KIAA1328: variants seen among roughly 807,000 people sequenced by gnomAD.
KIAA1328 encodes the protein KIAA1328, also known as protein hinderin.
A neutral mutation model predicts 68.1 loss-of-function variants in KIAA1328; 52 were observed. That is an observed-to-expected ratio of 0.76 (90% CI 0.61 to 0.96). KIAA1328 has a LOEUF of 0.96. Ranked by LOEUF, KIAA1328 falls within the 40% of genes least tolerant of loss-of-function variation. KIAA1328 has a pLI of 0.00. For synonymous variants in KIAA1328, 232 were observed against 239.4 expected (o/e 0.97, Z 0.28); for missense variants, 641 against 677.6 (o/e 0.95, Z 0.60).
chr18:36,874,940 T>C (rs1486822065), intron 4 of KIAA1328, among the ~76,000 whole-genome samples: 2 of 152,228 alleles, frequency 1.3e-5, no homozygotes, highest in African/African-American at 4.8e-5. Context: ...AGGAAATCCT[T>C]TCCCCATTGC....
At position 37,222,909 on chromosome 18, in the gene KIAA1328, T is replaced by C. The variant is rs2060589537; in HGVS notation, c.*682T>C. 11 of 986,036 alleles carry C rather than the reference T, an allele frequency of 1.1e-5. No individual in the cohort carries two copies. The highest frequency in any genetic ancestry group is 5.2e-5 in the African/African-American group (3 of 57,172). The allele number at this position is 986,036 out of a possible 1,614,324, so 61.1% of individuals were successfully genotyped here. On this transcript the variant is annotated 3_prime_UTR_variant, in exon 10 of 10. Transcript: ENST00000280020. ...GCACTAAATCACATCAGGGAGTGAT[T>C]AGTCCTGGGGAAATTCAGTGGAGGC...
chr18:36,841,854 A>G (rs1303474553), intron 3 of KIAA1328, among the ~76,000 whole-genome samples: 4 of 152,234 alleles, frequency 2.6e-5, no homozygotes, highest in African/African-American at 9.6e-5. Context: ...GGAACTTTAT[A>G]TAAATGAGCT....
At chr18:36,926,947 C>A (rs765716179) in intron 5 of KIAA1328, among the ~76,000 whole-genome samples, 1 of 152,160 alleles carries the variant, frequency 6.6e-6, no homozygotes, top group Non-Finnish European at 1.5e-5. Context: ...AGGACGGCAC[C>A]TGGCAAGAGT....
intron 3 of KIAA1328, among the ~76,000 whole-genome samples, chr18:36,836,277 T>C (rs1269431483): frequency 6.6e-6 from 1 of 152,184 alleles, no homozygotes; most frequent in Non-Finnish European, 1.5e-5. Context: ...TGCAAGTTCT[T>C]ATCAAAAAAA....
At chr18:37,200,817 CAAAA>C (rs1304976099) in intron 9 of KIAA1328, among the ~76,000 whole-genome samples, 5 of 53,890 alleles carry the variant, frequency 9.3e-5, no homozygotes, top group Admixed American at 2.0e-4. Flanking sequence ...GACTCCGTCT[CAAAA>C]AAAAAAAAAA....
intron 7 of KIAA1328, among the ~76,000 whole-genome samples, chr18:37,078,017 C>A (rs1223205507): frequency 6.6e-6 from 1 of 152,178 alleles, no homozygotes; most frequent in African/African-American, 2.4e-5. Flanking sequence ...GCCCACATTG[C>A]CAAGTCAGTC....
intron 6 of KIAA1328, among the ~76,000 whole-genome samples, chr18:36,967,528 T>A (rs1365409772): frequency 3.9e-5 from 6 of 152,164 alleles, no homozygotes; most frequent in Non-Finnish European, 7.3e-5. Context: ...GCTGTTGCAT[T>A]TATGGTAACT....
intron 6 of KIAA1328, among the ~76,000 whole-genome samples, chr18:37,026,537 T>C (rs1012305701): frequency 6.6e-6 from 1 of 152,068 alleles, no homozygotes; most frequent in African/African-American, 2.4e-5. Context: ...GACCAAGTGG[T>C]CTTCATCCCT....
chr18:36,883,604 GCATCATA>G (rs1448110244), intron 4 of KIAA1328, among the ~76,000 whole-genome samples: 17 of 152,210 alleles, frequency 1.1e-4, no homozygotes, highest in Admixed American at 1.1e-3. Context: ...GAAAAGTCCT[GCATCATA>G]CCCATAGGGT....
At chr18:36,831,561 A>G (rs1289427912) in intron 1 of KIAA1328, among the ~76,000 whole-genome samples, 3 of 152,218 alleles carry the variant, frequency 2.0e-5, no homozygotes, top group Non-Finnish European at 2.9e-5. Flanking sequence ...AAATGCACTC[A>G]AGTGTATTAC....
intron 6 of KIAA1328, among the ~76,000 whole-genome samples, chr18:36,976,434 CA>C (rs950223906): frequency 3.3e-5 from 5 of 151,902 alleles, no homozygotes; most frequent in African/African-American, 9.7e-5. Context: ...ATTTCAGTAT[CA>C]AAATGAAATA....
chr18:36,852,000 A>G (rs1169363486), intron 4 of KIAA1328, among the ~76,000 whole-genome samples: 5 of 152,012 alleles, frequency 3.3e-5, no homozygotes, highest in Non-Finnish European at 7.4e-5. Flanking sequence ...CATTCATTTC[A>G]AGATACTTTC....
At chr18:36,960,374 G>A (rs946851362) in intron 6 of KIAA1328, among the ~76,000 whole-genome samples, 1 of 152,240 alleles carries the variant, frequency 6.6e-6, no homozygotes, top group Non-Finnish European at 1.5e-5. Flanking sequence ...ACCTCTGTGG[G>A]CAGGGCATTG....
intron 4 of KIAA1328, among the ~76,000 whole-genome samples, chr18:36,866,943 G>A (rs2047773093): frequency 6.6e-6 from 1 of 152,296 alleles, no homozygotes; most frequent in Middle Eastern, 3.4e-3. Flanking sequence ...TTTTGGAGAA[G>A]TCACTCAGAG....
chr18:37,007,469 A>G (rs981889616), intron 6 of KIAA1328, among the ~76,000 whole-genome samples: 7 of 152,200 alleles, frequency 4.6e-5, no homozygotes, highest in Non-Finnish European at 1.0e-4. Flanking sequence ...ACAAGTATTT[A>G]AGTGAGCAAA....
Position 37,027,227 on chromosome 18 carries a change from AC to A in KIAA1328, c.577-39662del, listed in dbSNP as rs2054619924. On this transcript the variant is annotated intron_variant, in intron 6 of 9. Coordinates refer to ENST00000280020, the MANE Select transcript of KIAA1328 (RefSeq NM_020776.3). ...GTCAACGAAATAAAAGACGACACAA[AC>A]AAATGGAAGAACATTCCATGCTCAT... Among the ~76,000 whole-genome samples, 17 of 152,304 alleles carry A rather than the reference AC, an allele frequency of 1.1e-4. No individual in the cohort carries two copies. In the South Asian group the frequency reaches 3.5e-3, roughly 32 times the overall value.
In KIAA1328 at chr18:37,147,727, C is replaced by T. The variant is rs1354723150; in HGVS notation, c.1233-12473C>T. Among the ~76,000 whole-genome samples the T allele has an allele frequency of 3.9e-5, 6 of 152,112 alleles. No individual in the cohort carries two copies. In the South Asian group the frequency reaches 8.3e-4, roughly 21 times the overall value. On this transcript the variant is annotated intron_variant, in intron 7 of 9. Coordinates refer to ENST00000280020, the MANE Select transcript of KIAA1328 (RefSeq NM_020776.3). ...GCTTTCTAGTATTCTTAGCGGAAGT[C>T]TAGGACATTAAGATATCCCTCCATT... is the stretch of plus-strand genomic sequence containing the variant.
At chr18:37,057,307 A>G (rs2055951214) in intron 6 of KIAA1328, among the ~76,000 whole-genome samples, 1 of 152,102 alleles carries the variant, frequency 6.6e-6, no homozygotes. Context: ...ATGATTTTGT[A>G]CAACTCATGA....
At chr18:37,073,395 C>A (rs887312437) in intron 7 of KIAA1328, among the ~76,000 whole-genome samples, 7 of 152,068 alleles carry the variant, frequency 4.6e-5, no homozygotes, top group African/African-American at 1.4e-4. Flanking sequence ...ATGTGGCCAA[C>A]AAACATATGA....
Sources: gnomAD v4.1 joint callset for allele counts (sites outside exome capture counted in the v4.1 genomes callset) on GRCh38, gnomAD v4.1.1 for gene constraint, MANE v1.5 for transcripts, NCBI Gene and HGNC (gene_info 2026-07-23, HGNC 2026-07-21) for gene names.